Variants in MBNL1 observed in about 807,000 individuals in gnomAD.
The protein encoded by MBNL1 is muscleblind-like protein 1.
MBNL1 carries 8 observed loss-of-function variants against 42.2 expected under a neutral mutation model. The ratio of observed to expected loss-of-function variants is 0.19; its 90% CI spans 0.11 to 0.34. The LOEUF (loss-of-function observed/expected upper bound fraction) is 0.34. MBNL1 is among the 10% of genes least tolerant of loss of function. The pLI is 1.00. For missense variants in MBNL1, 309 were observed against 495.3 expected (o/e 0.62, Z 3.57); for synonymous variants, 169 against 173.9 (o/e 0.97, Z 0.22).
At chr3:152,306,585 T>C (rs2063270040) in intron 2 of MBNL1, among the ~76,000 whole-genome samples, 1 of 152,170 alleles carries the variant, frequency 6.6e-6, no homozygotes, top group Non-Finnish European at 1.5e-5. Context: ...CAGGGATTGC[T>C]AGGAAGTATT....
In MBNL1 at chr3:152,331,346, T is replaced by C. The variant is rs2084403978; in HGVS notation, c.174+30979T>C. Among the ~76,000 whole-genome samples, 6 of 152,238 alleles carry C rather than the reference T, an allele frequency of 3.9e-5. No homozygotes were observed. The South Asian group carries it at 1.2e-3, about 31-fold the overall frequency. Reference sequence around the variant, plus strand: ...ACACTAAGTCATACTGAGTCACTTGTAGATTTTCTTTAGCCAGTTTTATTT... The same window carrying C: ...ACACTAAGTCATACTGAGTCACTTGCAGATTTTCTTTAGCCAGTTTTATTT... On this transcript the variant is annotated intron_variant, in intron 2 of 9. Coordinates refer to ENST00000324210, the MANE Select transcript of MBNL1 (RefSeq NM_021038.5).
rs999472374 is a variant in MBNL1, at chr3:152,338,776, ACT to A, written c.174+38412_174+38413del. The A allele has an allele frequency of 3.5e-6, 3 of 851,238 alleles. No individual in the cohort carries two copies. The African/African-American group carries it at 5.5e-5, about 16-fold the overall frequency. The allele number at this position is 851,238 out of a possible 1,614,324, so 52.7% of individuals were successfully genotyped here. ...AGTAGTTAAAGAATGTCCTTGGGAAACTCTGTGTTTGATCAAACCAAAATATG... is the reference window on the plus strand; with the variant it reads ...AGTAGTTAAAGAATGTCCTTGGGAAACTGTGTTTGATCAAACCAAAATATG... On this transcript the variant is annotated intron_variant, in intron 2 of 9. Coordinates refer to ENST00000324210, the MANE Select transcript of MBNL1 (RefSeq NM_021038.5).
rs7639285 is a variant in MBNL1 at position 152,280,165 on chromosome 3, A to G, written c.-790+11073A>G. On this transcript the variant is annotated intron_variant, in intron 1 of 9. Coordinates refer to ENST00000324210, the MANE Select transcript of MBNL1 (RefSeq NM_021038.5). Reference sequence around the variant, plus strand: ...TATACCCTTTGGAGGAAAAAGAGGTAAGATGTGCCTGTTCTCAAAGTAATT... The same window carrying G: ...TATACCCTTTGGAGGAAAAAGAGGTGAGATGTGCCTGTTCTCAAAGTAATT... Among the ~76,000 whole-genome samples the G allele has an allele frequency of 3.0e-3, 459 of 152,288 alleles. 1 individual carries two copies. Among genetic ancestry groups the G allele is most frequent in the Non-Finnish European group, 5.2e-3 (353 of 67,994 alleles).
At position 152,463,465 on chromosome 3, in the gene MBNL1, C is replaced by G. The variant is rs966858844; in HGVS notation, c.*1099C>G. The G allele has an allele frequency of 6.6e-6, 1 of 152,354 alleles. No individual in the cohort carries two copies. The highest frequency in any genetic ancestry group is 1.5e-5 in the Non-Finnish European group (1 of 67,912). 9.4% of individuals were successfully genotyped at this position (152,354 alleles called of 1,614,324 possible). A position where few individuals can be genotyped will look rare whatever the true frequency, so the allele number is the denominator to read the frequency against. The stretch of plus-strand genomic sequence containing the variant: ...CTTTGCAAAAATGGTTTCACGTTTG[C>G]TTAAATGCTTCATCACAGTCACATT... On this transcript the variant is annotated 3_prime_UTR_variant, in exon 10 of 10. Transcript: ENST00000324210.
chr3:152,407,894 C>T (rs539180641), intron 2 of MBNL1, among the ~76,000 whole-genome samples: 58 of 152,222 alleles, frequency 3.8e-4, no homozygotes, highest in African/African-American at 1.4e-3. Context: ...AAAACAAACA[C>T]CACATGTTCC....
chr3:152,454,269 C>T (rs958193693), intron 6 of MBNL1, among the ~76,000 whole-genome samples: 1 of 152,126 alleles, frequency 6.6e-6, no homozygotes, highest in African/African-American at 2.4e-5. Context: ...ACAAACTAAT[C>T]GCAGCTGTTA....
chr3:152,300,154 T>G lies in MBNL1; in HGVS notation c.-40T>G. The G allele has an allele frequency of 7.0e-7, 1 of 1,433,520 alleles. No homozygotes were observed. Among genetic ancestry groups the G allele is most frequent in the African/African-American group, 1.4e-5 (1 of 69,712 alleles). 88.8% of individuals were successfully genotyped at this position (1,433,520 alleles called of 1,614,324 possible). On this transcript the variant is annotated 5_prime_UTR_variant, in exon 2 of 10. Transcript: ENST00000324210. ...TCTTTTTTGGGGGGGTTGGGTTTGTTGGTTTCACTGAAACATTTAACTACC... is the reference window on the plus strand; with the variant it reads ...TCTTTTTTGGGGGGGTTGGGTTTGTGGGTTTCACTGAAACATTTAACTACC...
At chr3:152,342,722 A>G (rs1431588969) in intron 2 of MBNL1, among the ~76,000 whole-genome samples, 1 of 152,148 alleles carries the variant, frequency 6.6e-6, no homozygotes, top group Admixed American at 6.6e-5. Context: ...TAAGTAGCAT[A>G]GTTTAGTGGC....
chr3:152,336,764 G>A (rs1560196489), intron 2 of MBNL1, among the ~76,000 whole-genome samples: 1 of 152,106 alleles, frequency 6.6e-6, no homozygotes, highest in African/African-American at 2.4e-5. Context: ...TATTTTGCAG[G>A]TGAGGGGAGA....
chr3:152,250,830 G>A (rs1172526313), intron 2 of MBNL1, among the ~76,000 whole-genome samples: 8 of 152,116 alleles, frequency 5.3e-5, no homozygotes, highest in African/African-American at 1.9e-4. Flanking sequence ...TTGGCATGAA[G>A]GGTTGTTGAA....
intron 2 of MBNL1, among the ~76,000 whole-genome samples, chr3:152,347,585 G>A (rs1404082387): frequency 6.6e-6 from 1 of 152,090 alleles, no homozygotes; most frequent in African/African-American, 2.4e-5. Context: ...GAAGTCAGGA[G>A]CTTTACAACA....
chr3:152,442,128 C>T (rs1054538576), intron 4 of MBNL1, among the ~76,000 whole-genome samples: 1 of 152,134 alleles, frequency 6.6e-6, no homozygotes, highest in Non-Finnish European at 1.5e-5. Flanking sequence ...AGTACATACA[C>T]ATATACCAAT....
intron 5 of MBNL1, chr3:152,446,810 A>G: frequency 1.4e-6 from 2 of 1,475,828 alleles, no homozygotes; most frequent in Non-Finnish European, 1.9e-6. Flanking sequence ...TGTAGATACA[A>G]GTTTTTTTTT....
At chr3:152,299,040 C>T (rs1251271989) in intron 1 of MBNL1, 1 of 152,570 alleles carries the variant, frequency 6.6e-6, no homozygotes, top group Non-Finnish European at 1.5e-5. Context: ...TGGAATAAGT[C>T]ACATCTGATG....
intron 2 of MBNL1, among the ~76,000 whole-genome samples, chr3:152,262,034 T>C (rs1029713358): frequency 6.6e-6 from 1 of 152,114 alleles, no homozygotes; most frequent in Non-Finnish European, 1.5e-5. Flanking sequence ...CTGTGATTTT[T>C]CCCTCACGTC....
intron 2 of MBNL1, among the ~76,000 whole-genome samples, chr3:152,307,114 C>T (rs1200878983): frequency 3.9e-5 from 6 of 152,032 alleles, no homozygotes; most frequent in African/African-American, 1.4e-4. Context: ...CTCAACCTCC[C>T]GAGTAGCTGG....
chr3:152,396,721 TTTTG>T (rs1303222826), intron 2 of MBNL1, among the ~76,000 whole-genome samples: 13 of 152,190 alleles, frequency 8.5e-5, no homozygotes, highest in African/African-American at 1.9e-4. Context: ...TTCTTCTGTT[TTTTG>T]TTTGTTTTTG....
At chr3:152,285,929 CT>C (rs113377399) in intron 1 of MBNL1, among the ~76,000 whole-genome samples, 13,376 of 144,708 alleles carry the variant, frequency 0.092, 623 homozygotes, top group Middle Eastern at 0.17. Context: ...CATCCTGAAA[CT>C]TTTTTTTTTT....
At chr3:152,245,918 A>G (rs1252168341) in intron 2 of MBNL1, among the ~76,000 whole-genome samples, 3 of 152,122 alleles carry the variant, frequency 2.0e-5, no homozygotes, top group African/African-American at 7.2e-5. Context: ...TTTATCACAC[A>G]CTAATTAAAC....
Sources: gnomAD v4.1 joint callset for allele counts (sites outside exome capture counted in the v4.1 genomes callset) on GRCh38, gnomAD v4.1.1 for gene constraint, MANE v1.5 for transcripts, NCBI Gene and HGNC (gene_info 2026-07-23, HGNC 2026-07-21) for gene names.